CACNA1G: variants seen among roughly 807,000 people sequenced by gnomAD.
The protein encoded by CACNA1G is voltage-dependent T-type calcium channel subunit alpha-1G.
Under a neutral mutation model 219.4 loss-of-function variants are expected in CACNA1G, and 67 were observed. The ratio of observed to expected loss-of-function variants is 0.31; its 90% CI spans 0.25 to 0.37. CACNA1G has a LOEUF of 0.37. Ranked by LOEUF, CACNA1G falls within the 10% of genes least tolerant of loss-of-function variation. The pLI is 1.00. For missense variants in CACNA1G, 2,380 were observed against 3,231.4 expected, an observed-to-expected ratio of 0.74 and a Z score of 6.39; for synonymous variants, 1,296 against 1,345.3, an observed-to-expected ratio of 0.96 and a Z score of 0.80.
intron 9 of CACNA1G, among the ~76,000 whole-genome samples, chr17:50,588,704 G>C (rs1394709097): frequency 6.6e-6 from 1 of 152,020 alleles, no homozygotes; most frequent in Admixed American, 6.5e-5. Flanking sequence ...ATGCCATACT[G>C]GCCCCCACGA....
rs1188592314 is a variant in CACNA1G at position 50,626,027 on chromosome 17, G to C, written c.6410G>C (p.Arg2137Thr). The C allele has an allele frequency of 1.2e-6, 2 of 1,609,182 alleles. No individual in the cohort carries two copies. Among genetic ancestry groups the C allele is most frequent in the Non-Finnish European group, 1.7e-6 (2 of 1,176,906 alleles). ...QRPLRRQAAI[R>T]TDSLDVQGLG... is the part of the protein sequence containing the mutation. ...CCCCACCCCATATAGGCAGCAATAAGGACTGACTCCTTGGACGTTCAGGGT... is the reference window on the plus strand; with the variant it reads ...CCCCACCCCATATAGGCAGCAATAACGACTGACTCCTTGGACGTTCAGGGT... Residue 2137 changes from arginine to threonine, a missense_variant, in exon 38 of 38, where the codon AGG becomes ACG. Coordinates refer to ENST00000359106, the MANE Select transcript of CACNA1G (RefSeq NM_018896.5). The surrounding 1 kb of genome is among the most constrained non-coding windows in gnomAD (Gnocchi z 4.3).
chr17:50,571,870 C>T lies in CACNA1G; in HGVS notation c.587-8C>T, dbSNP rs764477023. ...CTGGTGTCCCCAGCGTGGCTTCTGC[C>T]CCCACAGGCATGCGCATCCTTGTCA... On this transcript the variant is annotated splice_region_variant and splice_polypyrimidine_tract_variant and intron_variant, in intron 4 of 37. Transcript: ENST00000359106. This position sits in a 1 kb window ranked among gnomAD's most constrained non-coding sequence, Gnocchi z 4.3. 17 of 1,613,286 alleles carry T rather than the reference C, an allele frequency of 1.1e-5. No individual in the cohort carries two copies. Among genetic ancestry groups the T allele is most frequent in the Non-Finnish European group, 1.4e-5 (17 of 1,179,768 alleles).
At chr17:50,566,800 G>A (rs1438953139) in intron 1 of CACNA1G, among the ~76,000 whole-genome samples, 3 of 152,222 alleles carry the variant, frequency 2.0e-5, no homozygotes, top group Admixed American at 6.5e-5. Flanking sequence ...ATCTAAAGAC[G>A]TATCAGAATG....
Position 50,568,793 on chromosome 17 carries a change from G to T in CACNA1G, c.243-77G>T, listed in dbSNP as rs1164309171. 3 of 1,098,104 alleles carry T rather than the reference G, an allele frequency of 2.7e-6. No homozygotes were observed. The African/African-American group carries it at 4.6e-5, about 17-fold the overall frequency. 68.0% of individuals were successfully genotyped at this position (1,098,104 alleles called of 1,614,324 possible). A position where few individuals can be genotyped will look rare whatever the true frequency, so the allele number is the denominator to read the frequency against. On this transcript the variant is annotated intron_variant, in intron 1 of 37. Coordinates refer to ENST00000359106, the MANE Select transcript of CACNA1G (RefSeq NM_018896.5). ...TCAGATGGAGCCAGGAGGTAAACGA[G>T]GAGGAGGTGTTAGGGCGGGGTCGGG...
At chr17:50,563,941 C>A (rs1224833480) in intron 1 of CACNA1G, among the ~76,000 whole-genome samples, 1 of 152,106 alleles carries the variant, frequency 6.6e-6, no homozygotes, top group Admixed American at 6.5e-5. Flanking sequence ...TTTGTGGTAT[C>A]TGTGACTCCC....
chr17:50,627,435 C>CTATA lies in CACNA1G; in HGVS notation c.*693_*696dup, dbSNP rs768757826. On this transcript the variant is annotated 3_prime_UTR_variant, in exon 38 of 38. Transcript: ENST00000359106. ...CATACATACATATCTATCTATCTAT[C>CTATA]TATATATATATAAAATAAAGTAATT... 3.9e-6 allele frequency: 1 copy of CTATA among 258,224 alleles called. No individual in the cohort carries two copies. The highest frequency in any genetic ancestry group is 1.0e-4 in the East Asian group (1 of 9,938). 16.0% of individuals were successfully genotyped at this position (258,224 alleles called of 1,614,324 possible).
At position 50,592,132 on chromosome 17, in the gene CACNA1G, G is replaced by C. The variant is rs767878091; in HGVS notation, c.2910+40G>C. ...TGCCCACCTCACCCTGCCCACAGCA[G>C]TCCCACTTCCAATTGGCTGCCTGTC... On this transcript the variant is annotated intron_variant, in intron 13 of 37. Transcript: ENST00000359106. 22 of 1,567,622 alleles carry C rather than the reference G, an allele frequency of 1.4e-5. 2 individuals are homozygous for C. The South Asian group carries it at 2.6e-4, about 19-fold the overall frequency.
At chr17:50,567,678 C>T (rs1489350435) in intron 1 of CACNA1G, among the ~76,000 whole-genome samples, 1 of 152,154 alleles carries the variant, frequency 6.6e-6, no homozygotes, top group Non-Finnish European at 1.5e-5. Context: ...ATCTCCTGCT[C>T]TCTGATCTTT....
chr17:50,591,113 T>G (rs1448183576), intron 10 of CACNA1G, among the ~76,000 whole-genome samples: 1 of 152,250 alleles, frequency 6.6e-6, no homozygotes, highest in Admixed American at 6.5e-5. Context: ...GCTTTTGGAA[T>G]TGGCTTTAGA....
chr17:50,572,927 G>C, intron 6 of CACNA1G, 73 bp downstream of exon 6: 1 of 1,575,108 alleles, frequency 6.3e-7, no homozygotes, highest in African/African-American at 1.3e-5. Context: ...CGGAGTGGTC[G>C]CTCTCAGGGT....
Position 50,606,994 on chromosome 17 carries a change from G to A in CACNA1G, c.4512+5G>A, listed in dbSNP as rs765606972. 1.2e-6 allele frequency: 2 copies of A among 1,607,538 alleles called. No individual in the cohort carries two copies. The highest frequency in any genetic ancestry group is 1.7e-6 in the Non-Finnish European group (2 of 1,174,084). On this transcript the variant is annotated splice_donor_5th_base_variant and intron_variant, in intron 24 of 37. Coordinates refer to ENST00000359106, the MANE Select transcript of CACNA1G (RefSeq NM_018896.5). ...GCTGTGGGCGTGGACCAGCAGGTAGGGCTGAGGTGGGCAGGATCCATCTGT... is the reference window on the plus strand; with the variant it reads ...GCTGTGGGCGTGGACCAGCAGGTAGAGCTGAGGTGGGCAGGATCCATCTGT...
rs1282823956 is a variant in CACNA1G at position 50,603,263 on chromosome 17, AC to A, written c.4169+66del. On this transcript the variant is annotated intron_variant, in intron 21 of 37. Transcript: ENST00000359106. The surrounding 1 kb of genome is among the most constrained non-coding windows in gnomAD (Gnocchi z 6.4). Reference sequence around the variant, plus strand: ...GGCCCCCTCCGCAGGGACATCTCCCACCGCCAGCACTCCCTGCCACGAAACA... The same window carrying A: ...GGCCCCCTCCGCAGGGACATCTCCCACGCCAGCACTCCCTGCCACGAAACA... 4 of 1,374,360 alleles carry A rather than the reference AC, an allele frequency of 2.9e-6. No individual in the cohort carries two copies. Among genetic ancestry groups the A allele is most frequent in the Middle Eastern group, 2.5e-4 (1 of 4,030 alleles). The allele number at this position is 1,374,360 out of a possible 1,614,324, so 85.1% of individuals were successfully genotyped here. A position where few individuals can be genotyped will look rare whatever the true frequency, so the allele number is the denominator to read the frequency against.
chr17:50,618,372 AG>A lies in CACNA1G; in HGVS notation c.5427+32del, dbSNP rs760020581. On this transcript the variant is annotated intron_variant, in intron 32 of 37. Coordinates refer to ENST00000359106, the MANE Select transcript of CACNA1G (RefSeq NM_018896.5). This position sits in a 1 kb window ranked among gnomAD's most constrained non-coding sequence, Gnocchi z 5.3. ...AGGGCCCAGGGTTGGCCTAGGCTCC[AG>A]GGAGGCAGCCCCACTTCCTGAGCTA... The A allele has an allele frequency of 2.2e-4, 355 of 1,606,056 alleles. 1 individual carries two copies. The highest frequency in any genetic ancestry group is 2.9e-4 in the Non-Finnish European group (343 of 1,174,524).
Position 50,624,010 on chromosome 17 carries a change from G to C in CACNA1G, c.6164G>C (p.Arg2055Pro). 1.9e-6 allele frequency: 3 copies of C among 1,613,122 alleles called. No individual in the cohort carries two copies. The highest frequency in any genetic ancestry group is 2.2e-5 in the South Asian group (2 of 91,080). ...CTGCCCAATGACAGCTACATGTGTC[G>C]GCATGGGAGCACTGCCGAGGGGCCC... Reference protein sequence around the residue: ...HSLPNDSYMCRHGSTAEGPLG... With the variant: ...HSLPNDSYMCPHGSTAEGPLG... The change falls in exon 36 of 38, where the codon CGG becomes CCG. Residue 2055 changes from arginine (R) to proline (P), a missense_variant. By Grantham distance (103) the Arg-to-Pro change is moderately radical (BLOSUM62 -2). Coordinates refer to ENST00000359106, the MANE Select transcript of CACNA1G (RefSeq NM_018896.5).
At chr17:50,586,095 C>T (rs1270115880) in intron 9 of CACNA1G, among the ~76,000 whole-genome samples, 1 of 152,186 alleles carries the variant, frequency 6.6e-6, no homozygotes, top group South Asian at 2.1e-4. Context: ...AGAGCTGGCT[C>T]TCAGGCCTCC....
chr17:50,571,693 CG>C lies in CACNA1G; in HGVS notation c.587-181del, dbSNP rs1462533507. 1.3e-5 allele frequency among the ~76,000 whole-genome samples: 2 copies of C among 152,120 alleles called. No homozygotes were observed. The highest frequency in any genetic ancestry group is 2.9e-5 in the Non-Finnish European group (2 of 68,004). On this transcript the variant is annotated intron_variant, in intron 4 of 37. Transcript: ENST00000359106. The surrounding 1 kb of genome is among the most constrained non-coding windows in gnomAD (Gnocchi z 4.3). ...GGGCAAGCCACAAGGGGAAGTGGGT[CG>C]GGGCAAGGGGCTGCAGAGGCTATCT...
rs1339385135 is a variant in CACNA1G, at chr17:50,561,175, A to G, written c.-285A>G. The G allele has an allele frequency of 7.2e-6, 4 of 556,212 alleles. No homozygotes were observed. The highest frequency in any genetic ancestry group is 1.3e-5 in the Non-Finnish European group (4 of 302,882). 34.5% of individuals were successfully genotyped at this position (556,212 alleles called of 1,614,324 possible). ...CCTGGGCGCGAAGCGAAGAAGCCGG[A>G]ACAAAGTGAGGGGGAGCCGGCCGGC... On this transcript the variant is annotated 5_prime_UTR_variant, in exon 1 of 38. Transcript: ENST00000359106.
chr17:50,569,778 G>T lies in CACNA1G; in HGVS notation c.561G>T (p.Pro187=), dbSNP rs1430030862. 5 of 1,550,390 alleles carry T rather than the reference G, an allele frequency of 3.2e-6. No individual in the cohort carries two copies. In the East Asian group the frequency reaches 7.3e-5, roughly 23 times the overall value. ...TCAGGACAGTCCGTGTGCTGCGACC[G>T]CTCAGGGCCATTAACCGGGTGCCCA... The part of the protein sequence containing the change: ...SAVRTVRVLR[P]LRAINRVPSM... The change falls in exon 4 of 38, where the codon CCG becomes CCT. Residue 187 remains proline, a synonymous_variant. Coordinates refer to ENST00000359106, the MANE Select transcript of CACNA1G (RefSeq NM_018896.5).
Position 50,599,707 on chromosome 17 carries a change from G to T in CACNA1G, c.3538G>T (p.Val1180Leu), listed in dbSNP as rs1260798977. ...CTTTGACCTGCCAGACACACTGCAG[G>T]TGCCAGGGCTGCATCGCACTGCCAG... ...SSFDLPDTLQ[V>L]PGLHRTASGR... Residue 1180 changes from valine (V) to leucine (L), a missense_variant, in exon 17 of 38, where the codon GTG (valine) becomes TTG (leucine). Transcript: ENST00000359106. 1 of 1,613,518 alleles carries T rather than the reference G, an allele frequency of 6.2e-7. No homozygotes were observed.
Sources: gnomAD v4.1 joint callset for allele counts (sites outside exome capture counted in the v4.1 genomes callset) on GRCh38, gnomAD v4.1.1 for gene constraint, Gnocchi (gnomAD v3.1) non-coding constraint, MANE v1.5 for transcripts, NCBI Gene and HGNC (gene_info 2026-07-23, HGNC 2026-07-21) for gene names.